Variants in PDE10A observed in about 807,000 individuals in gnomAD.
PDE10A encodes the protein phosphodiesterase 10A.
In PDE10A, 39 loss-of-function variants were observed where a neutral mutation model predicts 97.7. The observed-to-expected ratio is 0.40, with a 90% confidence interval of 0.31 to 0.52. The LOEUF (loss-of-function observed/expected upper bound fraction) is 0.52, where lower values mean the gene tolerates loss of function less well. Among genes scored for constraint, PDE10A ranks in the 20% least tolerant of loss-of-function variants. The pLI, the probability that PDE10A is intolerant of heterozygous loss-of-function variation, is 0.56. For synonymous variants in PDE10A, 371 were observed against 376.8 expected, an observed-to-expected ratio of 0.98 and a Z score of 0.18; for missense variants, 731 against 1,047.8, an observed-to-expected ratio of 0.70 and a Z score of 4.17.
At chr6:165,633,586 G>A (rs1235573436) in intron 1 of PDE10A, among the ~76,000 whole-genome samples, 1 of 152,088 alleles carries the variant, frequency 6.6e-6, no homozygotes, top group East Asian at 1.9e-4. Flanking sequence ...TCGTCTGGAG[G>A]AGTATTAGAG....
chr6:165,472,568 T>C (rs1237499784), intron 3 of PDE10A, among the ~76,000 whole-genome samples: 1 of 152,180 alleles, frequency 6.6e-6, no homozygotes, highest in African/African-American at 2.4e-5. Flanking sequence ...TTAATCTTAT[T>C]CTGGCTATAT....
At position 165,752,090 on chromosome 6, in the gene PDE10A, C is replaced by G. The variant is rs193094102; in HGVS notation, c.-614-208522G>C. ...CCCGGGAGCCGGAGCTTGCAGTGAG[C>G]CAAGATCACGCCACTGCACTCCAGC... On this transcript the variant is annotated intron_variant, in intron 1 of 19. Coordinates refer to the PDE10A transcript ENST00000366882. Among the ~76,000 whole-genome samples, 302 of 134,658 alleles carry G rather than the reference C, an allele frequency of 2.2e-3. 5 individuals carry two copies. Among genetic ancestry groups the G allele is most frequent in the African/African-American group, 7.9e-3 (281 of 35,462 alleles). The allele number at this position is 134,658 out of a possible 152,430, so 88.3% of individuals were successfully genotyped here. A position where few individuals can be genotyped will look rare whatever the true frequency, so the allele number is the denominator to read the frequency against.
chr6:165,838,766 T>TGCAAATGACGAATGTCAAAGG (rs1256674202), intron 1 of PDE10A, among the ~76,000 whole-genome samples: 1 of 152,274 alleles, frequency 6.6e-6, no homozygotes, highest in East Asian at 1.9e-4. Flanking sequence ...TCTCCTCATC[T>TGCAAATGACGAATGTCAAAGG]GCAAATGACG....
At chr6:165,906,033 CTTCCTTCCTTCCT>C (rs1782265851) in intron 1 of PDE10A, among the ~76,000 whole-genome samples, 2 of 8,626 alleles carry the variant, frequency 2.3e-4, no homozygotes, top group Non-Finnish European at 4.9e-4. Flanking sequence ...CCCTTCCTTC[CTTCCTTCCTTCCT>C]TCCCTCCCTC....
chr6:165,977,495 A>G (rs1346879337), intron 1 of PDE10A, among the ~76,000 whole-genome samples: 1 of 152,220 alleles, frequency 6.6e-6, no homozygotes, highest in Non-Finnish European at 1.5e-5. Flanking sequence ...TCCATGGTAG[A>G]GAGGGATAAT....
intron 10 of PDE10A, among the ~76,000 whole-genome samples, chr6:165,422,452 T>TACACACACAGGCATAC (rs1788787741): frequency 2.3e-5 from 3 of 127,806 alleles, no homozygotes; most frequent in Non-Finnish European, 4.9e-5. Flanking sequence ...CATACGCATA[T>TACACACACAGGCATAC]ACACACACAG....
rs1583153318 is a variant in PDE10A, at chr6:165,826,089, C to A, written c.-615+161440G>T. Among the ~76,000 whole-genome samples, 4 of 152,344 alleles carry A rather than the reference C, an allele frequency of 2.6e-5. No individual in the cohort carries two copies. The South Asian group carries it at 8.3e-4, about 32-fold the overall frequency. ...GATGGCAGAACAGCTTTCTGTGTCC[C>A]AGCCTCAGCTTGGACACTTCCTGCT... On this transcript the variant is annotated intron_variant, in intron 1 of 19. Coordinates refer to the PDE10A transcript ENST00000366882.
chr6:165,401,769 T>C (rs777019434), intron 13 of PDE10A, among the ~76,000 whole-genome samples: 12 of 152,184 alleles, frequency 7.9e-5, no homozygotes, highest in Non-Finnish European at 1.8e-4. Context: ...GACCTTCTAG[T>C]GCATGAACTT....
chr6:165,736,175 G>T (rs6456009), intron 1 of PDE10A, among the ~76,000 whole-genome samples: 5 of 150,566 alleles, frequency 3.3e-5, no homozygotes, highest in African/African-American at 1.2e-4. Flanking sequence ...CAAAAGTAAC[G>T]GCTGCAAACA....
chr6:165,482,190 T>C, intron 3 of PDE10A, 125 bp downstream of exon 3: 1 of 756,916 alleles, frequency 1.3e-6, no homozygotes, highest in Non-Finnish European at 2.4e-6. Flanking sequence ...AGTGATACTT[T>C]GGAGAGGAAA....
chr6:165,449,356 T>G (rs1791113169), intron 4 of PDE10A, among the ~76,000 whole-genome samples: 1 of 152,196 alleles, frequency 6.6e-6, no homozygotes, highest in Non-Finnish European at 1.5e-5. Flanking sequence ...ATAACCAAAG[T>G]AAGTATCAAC....
At chr6:165,588,941 T>C (rs889641533) in intron 1 of PDE10A, among the ~76,000 whole-genome samples, 20 of 152,334 alleles carry the variant, frequency 1.3e-4, no homozygotes, top group African/African-American at 4.3e-4. Context: ...AAAATAAATA[T>C]TCATAAAAGT....
chr6:165,482,362 G>A lies in PDE10A; in HGVS notation c.995-19C>T. 2 of 1,594,494 alleles carry A rather than the reference G, an allele frequency of 1.3e-6. No individual in the cohort carries two copies. The highest frequency in any genetic ancestry group is 1.7e-4 in the Middle Eastern group (1 of 6,030). ...GATTCATCTGGGGATAGAGAAGGAA[G>A]AGGGAAAAACACAATTAGCGACTGA... On this transcript the variant is annotated intron_variant, in intron 2 of 21. Coordinates refer to ENST00000539869, the MANE Select transcript of PDE10A (RefSeq NM_001385079.1).
intron 1 of PDE10A, among the ~76,000 whole-genome samples, chr6:165,619,195 TAGTGTAATGTAGTGC>T (rs1787902823): frequency 8.2e-6 from 1 of 122,148 alleles, no homozygotes; most frequent in African/African-American, 4.3e-5. Flanking sequence ...TAGTCTAGTG[TAGTGTAATGTAGTGC>T]AGTGTAGACT....
intron 1 of PDE10A, among the ~76,000 whole-genome samples, chr6:165,757,184 C>A (rs1583044363): frequency 2.6e-5 from 4 of 152,268 alleles, no homozygotes; most frequent in Admixed American, 2.6e-4. Flanking sequence ...CCAGGCTGGT[C>A]TCAAACTCCT....
intron 1 of PDE10A, among the ~76,000 whole-genome samples, chr6:165,943,214 A>AAGGAAGGAAGGAAG (rs1562809625): frequency 1.2e-5 from 1 of 85,896 alleles, no homozygotes; most frequent in African/African-American, 5.5e-5. Flanking sequence ...AAAGAAAGAA[A>AAGGAAGGAAGGAAG]GAAAGAAAGA....
At chr6:165,765,465 C>T (rs943041301) in intron 1 of PDE10A, among the ~76,000 whole-genome samples, 1 of 152,268 alleles carries the variant, frequency 6.6e-6, no homozygotes, top group Non-Finnish European at 1.5e-5. Flanking sequence ...AGAAATCGAG[C>T]GCAGCGCCGG....
intron 1 of PDE10A, among the ~76,000 whole-genome samples, chr6:165,915,831 A>G (rs1000805394): frequency 2.0e-5 from 3 of 152,252 alleles, no homozygotes; most frequent in African/African-American, 7.2e-5. Context: ...ATCACTCAGG[A>G]TACTTCAACT....
chr6:165,845,500 T>G (rs1409988150), intron 1 of PDE10A, among the ~76,000 whole-genome samples: 3 of 152,096 alleles, frequency 2.0e-5, no homozygotes, highest in Non-Finnish European at 4.4e-5. Context: ...AAGGTAAAAT[T>G]TGAGCAAAAG....
Sources: allele counts gnomAD v4.1 joint callset (sites outside exome capture counted in the v4.1 genomes callset), GRCh38; gene constraint gnomAD v4.1.1; transcripts MANE v1.5; gene names NCBI Gene and HGNC (gene_info 2026-07-23, HGNC 2026-07-21).